MAF: variants seen among roughly 807,000 people sequenced by gnomAD.
MAF encodes transcription factor Maf.
Under a neutral mutation model 22.0 loss-of-function variants are expected in MAF, and 10 were observed. The observed-to-expected ratio is 0.45, with a 90% CI of 0.28 to 0.77. The LOEUF is 0.77. Among genes scored for constraint, MAF ranks in the 30% least tolerant of loss-of-function variants. The pLI, the probability that MAF is intolerant of heterozygous loss-of-function variation, is 0.12. For missense variants in MAF, 544 were observed against 548.4 expected, an observed-to-expected ratio of 0.99 and a Z score of 0.08; for synonymous variants, 337 against 255.8, an observed-to-expected ratio of 1.32 and a Z score of -3.03.
At chr16:79,222,044 C>T in the MAF span, among the ~76,000 whole-genome samples, 16 of 151,866 alleles carry the variant, frequency 1.1e-4, no homozygotes, top group Non-Finnish European at 1.5e-4. Flanking sequence ...ACAGTTGGGG[C>T]GAAGCTCTCT....
chr16:79,423,005 C>G, the MAF span, among the ~76,000 whole-genome samples: 1 of 152,050 alleles, frequency 6.6e-6, no homozygotes, highest in Non-Finnish European at 1.5e-5. Context: ...GGAAAGGAAA[C>G]TTTGAGGATG....
At chr16:79,240,498 A>G in the MAF span, among the ~76,000 whole-genome samples, 26 of 88,662 alleles carry the variant, frequency 2.9e-4, no homozygotes, top group African/African-American at 6.5e-4. Flanking sequence ...AAAAAAAAAA[A>G]AAAAAAAAAA....
At chr16:79,497,644 C>A in the MAF span, among the ~76,000 whole-genome samples, 4 of 152,216 alleles carry the variant, frequency 2.6e-5, no homozygotes, top group African/African-American at 9.7e-5. Flanking sequence ...GGTCTAGACC[C>A]GTGGGTTCAT....
the MAF span, among the ~76,000 whole-genome samples, chr16:79,404,759 G>C: frequency 1.3e-5 from 2 of 152,070 alleles, no homozygotes; most frequent in African/African-American, 4.8e-5. Flanking sequence ...GGAAATCTCA[G>C]ACTGACATAG....
chr16:79,425,971 C>T, the MAF span, among the ~76,000 whole-genome samples: 2 of 152,210 alleles, frequency 1.3e-5, no homozygotes, highest in African/African-American at 4.8e-5. Context: ...CTTTGGGAGG[C>T]TGACACAGGC....
the MAF span, chr16:79,211,480 C>T: frequency 4.1e-6 from 5 of 1,209,338 alleles, no homozygotes; most frequent in Admixed American, 1.9e-5. Context: ...GTACCCTTTG[C>T]TATGCCAAGA....
chr16:79,297,876 C>G, the MAF span, among the ~76,000 whole-genome samples: 1 of 152,170 alleles, frequency 6.6e-6, no homozygotes, highest in Non-Finnish European at 1.5e-5. Context: ...CACACCCAGG[C>G]TGCACACTTG....
the MAF span, among the ~76,000 whole-genome samples, chr16:79,318,222 G>T: frequency 6.6e-6 from 1 of 152,194 alleles, no homozygotes. Flanking sequence ...AATTCAAGAT[G>T]ATCCACCTGT....
At chr16:79,492,082 G>A in the MAF span, among the ~76,000 whole-genome samples, 1 of 152,122 alleles carries the variant, frequency 6.6e-6, no homozygotes, top group Non-Finnish European at 1.5e-5. Flanking sequence ...TGAATAAAAA[G>A]AGCCTATCTA....
At chr16:79,536,640 T>C in the MAF span, among the ~76,000 whole-genome samples, 1 of 152,212 alleles carries the variant, frequency 6.6e-6, no homozygotes, top group Non-Finnish European at 1.5e-5. Flanking sequence ...AGACTCCGTC[T>C]TGAAAAAATA....
intron 1 of MAF, chr16:79,598,065 T>A: frequency 9.6e-7 from 1 of 1,043,174 alleles, no homozygotes. Flanking sequence ...AAAAACCCGA[T>A]GGAACTCGGC....
the MAF span, among the ~76,000 whole-genome samples, chr16:79,237,209 G>T: frequency 6.6e-6 from 1 of 152,004 alleles, no homozygotes; most frequent in Non-Finnish European, 1.5e-5. Context: ...GTTATGGCAC[G>T]CAGTTGGTGT....
chr16:79,541,929 T>C, the MAF span, among the ~76,000 whole-genome samples: 1 of 152,138 alleles, frequency 6.6e-6, no homozygotes, highest in African/African-American at 2.4e-5. Context: ...GTGCTGGGAT[T>C]ACAGACATGA....
At chr16:79,266,567 G>C in the MAF span, among the ~76,000 whole-genome samples, 1 of 152,156 alleles carries the variant, frequency 6.6e-6, no homozygotes, top group African/African-American at 2.4e-5. Flanking sequence ...TCTGGAAATA[G>C]CCATATGCAT....
chr16:79,222,400 C>T, the MAF span, among the ~76,000 whole-genome samples: 1 of 152,046 alleles, frequency 6.6e-6, no homozygotes, highest in East Asian at 1.9e-4. Context: ...ATTGTAAAGA[C>T]CATCAACACT....
At chr16:79,316,176 GC>G in the MAF span, among the ~76,000 whole-genome samples, 1 of 152,212 alleles carries the variant, frequency 6.6e-6, no homozygotes, top group African/African-American at 2.4e-5. Flanking sequence ...CAAAATGCGA[GC>G]TTTTTCCATT....
the MAF span, among the ~76,000 whole-genome samples, chr16:79,353,260 C>G: frequency 6.6e-6 from 1 of 152,054 alleles, no homozygotes; most frequent in East Asian, 1.9e-4. Context: ...TCCCAAGTAG[C>G]TGGGACCACA....
the MAF span, among the ~76,000 whole-genome samples, chr16:79,397,586 C>T: frequency 2.0e-5 from 3 of 152,030 alleles, no homozygotes; most frequent in African/African-American, 4.8e-5. Flanking sequence ...TGATGATGAC[C>T]GGCTGGATGT....
chr16:79,251,028 A>G, the MAF span, among the ~76,000 whole-genome samples: 1 of 152,202 alleles, frequency 6.6e-6, no homozygotes, highest in East Asian at 1.9e-4. Flanking sequence ...TTTTATTAGG[A>G]CTTCACTAAT....
Sources: gnomAD v4.1 joint callset for allele counts (sites outside exome capture counted in the v4.1 genomes callset) on GRCh38, gnomAD v4.1.1 for gene constraint, MANE v1.5 for transcripts, NCBI Gene and HGNC (gene_info 2026-07-23, HGNC 2026-07-21) for gene names.